Variants in NALF2 observed in about 807,000 individuals in gnomAD.
The protein encoded by NALF2 is bB57D9.1 (TED protein).
NALF2 carries 1 observed loss-of-function variant against 24.8 expected under a neutral mutation model. The ratio of observed to expected loss-of-function variants is 0.04; its 90% CI spans 0.01 to 0.19. The LOEUF (loss-of-function observed/expected upper bound fraction) is 0.19, where lower values mean the gene tolerates loss of function less well. NALF2 is among the 10% of genes least tolerant of loss of function. The probability of loss-of-function intolerance (pLI) is 1.00; values close to 1 mark genes in which losing one functional copy is unlikely to be tolerated. For missense variants in NALF2, 458 were observed against 409.6 expected, an observed-to-expected ratio of 1.12 and a Z score of -1.02; for synonymous variants, 254 against 189.8, an observed-to-expected ratio of 1.34 and a Z score of -2.78.
intron 1 of NALF2, among the ~76,000 whole-genome samples, chrX:69,507,966 G>A (rs1378642626): frequency 2.7e-5 from 3 of 111,229 alleles, no homozygotes; most frequent in Non-Finnish European, 5.6e-5. Context: ...AATCTCTCAT[G>A]TTGATTGTTT....
chrX:69,513,707 A>G (rs997166401), intron 1 of NALF2, among the ~76,000 whole-genome samples: 9 of 107,665 alleles, frequency 8.4e-5, no homozygotes, highest in African/African-American at 3.0e-4. Context: ...TATAAAAGGA[A>G]AAAAGTCCCA....
intron 1 of NALF2, among the ~76,000 whole-genome samples, chrX:69,523,160 G>T (rs1378474099): frequency 1.8e-5 from 2 of 112,445 alleles, no homozygotes; most frequent in Non-Finnish European, 3.8e-5. Flanking sequence ...TGGGGAAACA[G>T]GCCCCAGGGA....
chrX:69,528,276 G>A (rs1260983185), intron 1 of NALF2, among the ~76,000 whole-genome samples: 2 of 112,066 alleles, frequency 1.8e-5, no homozygotes, highest in Non-Finnish European at 3.8e-5. Flanking sequence ...AAGTGAAACT[G>A]CAAAGCAGAG....
At position 69,506,012 on chromosome X, in the gene NALF2, A is replaced by T; in HGVS notation, c.730A>T (p.Ser244Cys). The change falls in exon 1 of 3, where the codon AGC becomes TGC. Residue 244 changes from serine to cysteine, a missense_variant. Transcript: ENST00000252338. ...SPGSGAWEACSNCIEAYQRLD... is the reference protein window; with the variant it reads ...SPGSGAWEACCNCIEAYQRLD... The stretch of plus-strand genomic sequence containing the variant: ...GGGCTCCGGGGCCTGGGAGGCGTGT[A>T]GCAACTGTATCGAGGCGTACCAGCG... 1 of 1,211,535 alleles carries T rather than the reference A, an allele frequency of 8.3e-7. No individual in the cohort carries two copies. The highest frequency in any genetic ancestry group is 1.1e-6 in the Non-Finnish European group (1 of 895,329).
chrX:69,519,252 T>G, intron 1 of NALF2, among the ~76,000 whole-genome samples: 1 of 112,036 alleles, frequency 8.9e-6, no homozygotes. Context: ...ACTTTTTTCC[T>G]TGGAGCTCTC....
chrX:69,517,532 A>G (rs1442581961), intron 1 of NALF2, among the ~76,000 whole-genome samples: 1 of 112,387 alleles, frequency 8.9e-6, no homozygotes, highest in Non-Finnish European at 1.9e-5. Context: ...GGTAGCTATT[A>G]TTATTCTCTC....
chrX:69,526,637 G>T, intron 1 of NALF2, among the ~76,000 whole-genome samples: 1 of 111,699 alleles, frequency 9.0e-6, no homozygotes, highest in Non-Finnish European at 1.9e-5. Flanking sequence ...TTGTGGTGAA[G>T]AAACAAGGAA....
chrX:69,505,740 T>C lies in NALF2; in HGVS notation c.458T>C (p.Leu153Ser), dbSNP rs1930461819. The change falls in exon 1 of 3, where the codon TTG becomes TCG. Residue 153 changes from leucine to serine, a missense_variant. Physicochemically the swap from Leu to Ser is moderately radical, Grantham distance 145 (BLOSUM62 -2). Coordinates refer to ENST00000252338, the MANE Select transcript of NALF2 (RefSeq NM_015686.3). The stretch of plus-strand genomic sequence containing the variant: ...GCAGCTTGCACCAAATTGCAATCTT[T>C]GCAGAGACTTTTCGAACCGACTACT... ...LDAACTKLQS[L>S]QRLFEPTTPA... 1.7e-6 allele frequency: 2 copies of C among 1,211,472 alleles called. No individual in the cohort carries two copies. Among genetic ancestry groups the C allele is most frequent in the Non-Finnish European group, 2.2e-6 (2 of 895,251 alleles).
In NALF2 at chrX:69,530,054, A is replaced by T. The variant is rs1930879555; in HGVS notation, c.*98A>T. On this transcript the variant is annotated 3_prime_UTR_variant, in exon 3 of 3. Transcript: ENST00000252338. ...CTCCTCCCATGGGAGGTGTAGGATAAGGTGGGGGCGGGGGAAATGGGGGAA... is the reference window on the plus strand; with the variant it reads ...CTCCTCCCATGGGAGGTGTAGGATATGGTGGGGGCGGGGGAAATGGGGGAA... The T allele has an allele frequency of 4.0e-3, 1,332 of 337,001 alleles. No individual in the cohort carries two copies. Among genetic ancestry groups the T allele is most frequent in the Middle Eastern group, 6.7e-3 (7 of 1,047 alleles). The allele number at this position is 337,001 out of a possible 1,213,427, so 27.8% of individuals were successfully genotyped here. A position where few individuals can be genotyped will look rare whatever the true frequency, so the allele number is the denominator to read the frequency against.
chrX:69,527,391 G>A (rs961739765), intron 1 of NALF2, among the ~76,000 whole-genome samples: 2 of 112,133 alleles, frequency 1.8e-5, no homozygotes, highest in East Asian at 2.8e-4. Flanking sequence ...GAAAAGGCCA[G>A]TGTGGGATTG....
At position 69,532,144 on chromosome X, in the gene NALF2, A is replaced by T. The variant is rs1036704509; in HGVS notation, c.*2188A>T. Reference sequence around the variant, plus strand: ...CCTCACTCCACCTCAAAGTCATTTGACTGCCCCCATCCACCCCACCACCCT... The same window carrying T: ...CCTCACTCCACCTCAAAGTCATTTGTCTGCCCCCATCCACCCCACCACCCT... On this transcript the variant is annotated 3_prime_UTR_variant, in exon 3 of 3. Transcript: ENST00000252338. The T allele has an allele frequency of 2.7e-5, 3 of 112,352 alleles. No individual in the cohort carries two copies. The highest frequency in any genetic ancestry group is 9.7e-5 in the African/African-American group (3 of 30,804). The allele number at this position is 112,352 out of a possible 1,213,427, so 9.3% of individuals were successfully genotyped here.
rs1003920402 is a variant in NALF2, at chrX:69,518,426, C to T, written c.862-10567C>T. On this transcript the variant is annotated intron_variant, in intron 1 of 2. Coordinates refer to ENST00000252338, the MANE Select transcript of NALF2 (RefSeq NM_015686.3). ...CAAGCTATATATATATATACACACA[C>T]ATATATATGTGTATACACACACACA... Among the ~76,000 whole-genome samples the T allele has an allele frequency of 1.6e-4, 18 of 111,907 alleles. No homozygotes were observed. In the Admixed American group the frequency reaches 1.7e-3, roughly 11 times the overall value.
Position 69,530,786 on chromosome X carries a change from A to G in NALF2, c.*830A>G, listed in dbSNP as rs1261292914. ...ATTGCATTAGGAGCCCTCTGGGGAA[A>G]GAGCACAGGAACTGAGTTGCTGGGC... On this transcript the variant is annotated 3_prime_UTR_variant, in exon 3 of 3. Transcript: ENST00000252338. 1.8e-5 allele frequency: 2 copies of G among 112,659 alleles called. No homozygotes were observed. Among genetic ancestry groups the G allele is most frequent in the Non-Finnish European group, 3.8e-5 (2 of 53,208 alleles). 9.3% of individuals were successfully genotyped at this position (112,659 alleles called of 1,213,427 possible).
chrX:69,526,565 C>T (rs980118525), intron 1 of NALF2, among the ~76,000 whole-genome samples: 1 of 112,093 alleles, frequency 8.9e-6, no homozygotes, highest in Non-Finnish European at 1.9e-5. Flanking sequence ...TGTCTGCTTA[C>T]GTGCAACTCA....
intron 2 of NALF2, 95 bp from the exon 3 acceptor site, chrX:69,529,476 C>T: frequency 1.8e-6 from 2 of 1,112,311 alleles, no homozygotes; most frequent in Non-Finnish European, 2.4e-6. Context: ...GATGAGGCTA[C>T]TTGAGCAGCC....
intron 1 of NALF2, among the ~76,000 whole-genome samples, chrX:69,513,843 ACTATCCATTT>A (rs1443983923): frequency 1.1e-4 from 12 of 111,080 alleles, no homozygotes; most frequent in African/African-American, 3.9e-4. Context: ...AATTATCACC[ACTATCCATTT>A]CTAAAACGTT....
Position 69,529,987 on chromosome X carries a change from A to C in NALF2, c.*31A>C. On this transcript the variant is annotated 3_prime_UTR_variant, in exon 3 of 3. Coordinates refer to ENST00000252338, the MANE Select transcript of NALF2 (RefSeq NM_015686.3). The stretch of plus-strand genomic sequence containing the variant: ...GGGAGGGAGGACAGACCTCCACCAC[A>C]CTGACATCAGCTCCAGCTCCCCCAG... 1 of 1,091,285 alleles carries C rather than the reference A, an allele frequency of 9.2e-7. No individual in the cohort carries two copies. The highest frequency in any genetic ancestry group is 1.2e-6 in the Non-Finnish European group (1 of 812,577). 89.9% of individuals were successfully genotyped at this position (1,091,285 alleles called of 1,213,427 possible).
rs1046764069 is a variant in NALF2, at chrX:69,530,017, G to C, written c.*61G>C. On this transcript the variant is annotated 3_prime_UTR_variant, in exon 3 of 3. Transcript: ENST00000252338. ...CATCAGCTCCAGCTCCCCCAGGTTG[G>C]GGGGGAGGGGGCTCCTCCCATGGGA... 2.7e-5 allele frequency: 25 copies of C among 932,852 alleles called. No individual in the cohort carries two copies. Among genetic ancestry groups the C allele is most frequent in the Middle Eastern group, 3.3e-4 (1 of 3,069 alleles). The allele number at this position is 932,852 out of a possible 1,213,427, so 76.9% of individuals were successfully genotyped here.
intron 1 of NALF2, among the ~76,000 whole-genome samples, chrX:69,524,490 C>T (rs1930777592): frequency 8.9e-6 from 1 of 111,781 alleles, no homozygotes; most frequent in African/African-American, 3.3e-5. Flanking sequence ...TCACCCAGAA[C>T]TGACTGTTAT....
Sources: gnomAD v4.1 joint callset for allele counts (sites outside exome capture counted in the v4.1 genomes callset) on GRCh38, gnomAD v4.1.1 for gene constraint, MANE v1.5 for transcripts, NCBI Gene and HGNC (gene_info 2026-07-23, HGNC 2026-07-21) for gene names.